Variants in MECOM observed in about 807,000 individuals in gnomAD.
MECOM encodes the protein MDS1 and EVI1 complex locus.
Under a neutral mutation model 116.3 loss-of-function variants are expected in MECOM, and 13 were observed. The ratio of observed to expected loss-of-function variants is 0.11; its 90% CI spans 0.07 to 0.18. The LOEUF (loss-of-function observed/expected upper bound fraction) is 0.18. Ranked by LOEUF, MECOM falls within the 10% of genes least tolerant of loss-of-function variation. MECOM has a pLI of 1.00. For synonymous variants in MECOM, 528 were observed against 535.2 expected (o/e 0.99, Z 0.19); for missense variants, 1,299 against 1,509.0 (o/e 0.86, Z 2.31).
intron 2 of MECOM, among the ~76,000 whole-genome samples, chr3:169,200,238 G>T (rs538161485): frequency 5.9e-5 from 9 of 152,128 alleles, no homozygotes; most frequent in African/African-American, 1.7e-4. Flanking sequence ...AATTGACTAG[G>T]TTCGACTTTA....
At chr3:169,467,839 C>T (rs1748555085) in intron 1 of MECOM, among the ~76,000 whole-genome samples, 2 of 152,130 alleles carry the variant, frequency 1.3e-5, no homozygotes, top group African/African-American at 2.4e-5. Flanking sequence ...CACAATGAAA[C>T]TCAATAGGAA....
intron 2 of MECOM, among the ~76,000 whole-genome samples, chr3:169,241,810 C>A (rs559193717): frequency 3.3e-5 from 5 of 152,132 alleles, no homozygotes; most frequent in African/African-American, 1.2e-4. Flanking sequence ...GCTACTTCAG[C>A]GAATCAAGTC....
Position 169,504,897 on chromosome 3 carries a change from C to T in MECOM, c.38-123373G>A, listed in dbSNP as rs75282811. 7.7e-3 allele frequency among the ~76,000 whole-genome samples: 1,176 copies of T among 152,270 alleles called. 19 individuals are homozygous for T. Among genetic ancestry groups the T allele is most frequent in the African/African-American group, 0.026 (1,084 of 41,532 alleles). On this transcript the variant is annotated intron_variant, in intron 1 of 16. Transcript: ENST00000651503. Reference sequence around the variant, plus strand: ...AGCATATAAATAAAATATATGCTTACGCTTAGCATAGGCATAGCTGGCTGA... The same window carrying T: ...AGCATATAAATAAAATATATGCTTATGCTTAGCATAGGCATAGCTGGCTGA...
chr3:169,232,332 CCACTGTT>C (rs933529662), intron 2 of MECOM, among the ~76,000 whole-genome samples: 5 of 152,144 alleles, frequency 3.3e-5, no homozygotes, highest in African/African-American at 1.2e-4. Context: ...TCCAGCTCCA[CCACTGTT>C]ACCTATTATT....
intron 2 of MECOM, among the ~76,000 whole-genome samples, chr3:169,228,822 T>C (rs186181178): frequency 1.3e-5 from 2 of 152,286 alleles, no homozygotes; most frequent in East Asian, 3.9e-4. Context: ...AAGGATACAA[T>C]AGTCTGCAGT....
chr3:169,181,111 T>C (rs1369318650), intron 2 of MECOM, among the ~76,000 whole-genome samples: 7 of 152,108 alleles, frequency 4.6e-5, no homozygotes, highest in Non-Finnish European at 8.8e-5. Flanking sequence ...TCACACTTTA[T>C]ATTCAAGGGA....
At chr3:169,621,763 GAACAAACA>G (rs555024966) in intron 1 of MECOM, among the ~76,000 whole-genome samples, 248 of 152,056 alleles carry the variant, frequency 1.6e-3, no homozygotes, top group African/African-American at 5.9e-3. Context: ...TCTCAAAAAT[GAACAAACA>G]AACAAACAAA....
At chr3:169,441,728 C>CTTTTT (rs774825326) in intron 1 of MECOM, among the ~76,000 whole-genome samples, 2 of 123,458 alleles carry the variant, frequency 1.6e-5, no homozygotes, top group African/African-American at 2.7e-5. Flanking sequence ...TTCTTCTCTT[C>CTTTTT]TTTTTTTTTT....
At chr3:169,496,705 AC>A (rs1207397606) in intron 1 of MECOM, among the ~76,000 whole-genome samples, 1 of 152,190 alleles carries the variant, frequency 6.6e-6, no homozygotes, top group Non-Finnish European at 1.5e-5. Flanking sequence ...GCATGGTTGG[AC>A]CTAAGCATTT....
chr3:169,590,831 T>C (rs558815595), intron 1 of MECOM, among the ~76,000 whole-genome samples: 38 of 152,352 alleles, frequency 2.5e-4, no homozygotes, highest in African/African-American at 8.4e-4. Flanking sequence ...GTGAAATCAG[T>C]TTTAGCTAAG....
chr3:169,297,817 G>A (rs1715927010), intron 2 of MECOM, among the ~76,000 whole-genome samples: 1 of 152,176 alleles, frequency 6.6e-6, no homozygotes, highest in Admixed American at 6.5e-5. Context: ...TTTCAGGAGA[G>A]TTTCAAGTAA....
intron 1 of MECOM, among the ~76,000 whole-genome samples, chr3:169,529,703 GTT>G (rs771333663): frequency 7.2e-5 from 11 of 152,164 alleles, no homozygotes; most frequent in Non-Finnish European, 1.3e-4. Flanking sequence ...TTGTTCGTTT[GTT>G]TTAGTAACTG....
At chr3:169,419,297 A>G (rs1283517475) in intron 1 of MECOM, among the ~76,000 whole-genome samples, 1 of 152,210 alleles carries the variant, frequency 6.6e-6, no homozygotes, top group East Asian at 1.9e-4. Flanking sequence ...AAGAATCAAT[A>G]TCATAAAAAT....
At position 169,122,676 on chromosome 3, in the gene MECOM, A is replaced by G; in HGVS notation, c.882T>C (p.Asp294=). The G allele has an allele frequency of 2.5e-6, 4 of 1,614,070 alleles. No individual in the cohort carries two copies. Among genetic ancestry groups the G allele is most frequent in the Non-Finnish European group, 3.4e-6 (4 of 1,179,912 alleles). The change falls in exon 6 of 17, where the codon GAT becomes GAC. Residue 294 remains aspartate, a synonymous_variant. Transcript: ENST00000651503. ...SHTEEREYKC[D]QCPKAFNWKS... ...TCCAGTTAAATGCCTTGGGACACTG[A>G]TCACACTTGTATTCCCTCTCTTCAG... is the stretch of plus-strand genomic sequence containing the variant.
rs766060911 is a variant in MECOM at position 169,116,660 on chromosome 3, T to G, written c.1212A>C (p.Gln404His). 6.2e-7 allele frequency: 1 copy of G among 1,614,138 alleles called. No homozygotes were observed. The highest frequency in any genetic ancestry group is 1.7e-5 in the Admixed American group (1 of 60,022). ...HKRMHADCRT[Q>H]IKCKDCGQMF... is the part of the protein sequence containing the mutation. ...TTTGTCCACAGTCTTTGCACTTGAT[T>G]TGGGTTCTGCAATCAGCATGCATGC... is the stretch of plus-strand genomic sequence containing the variant. The change falls in exon 8 of 17, where the codon CAA (glutamine) becomes CAC (histidine). Residue 404 changes from glutamine to histidine, a missense_variant. By Grantham distance (24) the Gln-to-His change is conservative (BLOSUM62 0). Around this residue, in one of 6 missense-constraint regions of MECOM, gnomAD observed 42 missense variants for 103.9 expected, o/e 0.40. Transcript: ENST00000651503.
chr3:169,426,182 A>G (rs1216461684), intron 1 of MECOM, among the ~76,000 whole-genome samples: 1 of 152,206 alleles, frequency 6.6e-6, no homozygotes, highest in African/African-American at 2.4e-5. Context: ...AGTTTGCTCC[A>G]TCCATTGTAA....
intron 2 of MECOM, among the ~76,000 whole-genome samples, chr3:169,171,970 T>TG (rs1323542038): frequency 6.6e-6 from 1 of 152,138 alleles, no homozygotes; most frequent in Non-Finnish European, 1.5e-5. Flanking sequence ...CAACATTCAA[T>TG]GGGTTCTATC....
chr3:169,436,050 T>A (rs1260424392), intron 1 of MECOM, among the ~76,000 whole-genome samples: 1 of 152,188 alleles, frequency 6.6e-6, no homozygotes, highest in Admixed American at 6.5e-5. Flanking sequence ...ATTTCAATTA[T>A]CTTTCACAAT....
chr3:169,158,298 TA>T (rs1452297260), intron 2 of MECOM, among the ~76,000 whole-genome samples: 2 of 152,184 alleles, frequency 1.3e-5, no homozygotes, highest in Non-Finnish European at 2.9e-5. Flanking sequence ...AAAGTCTTCA[TA>T]AAATATATTT....
Sources: allele counts gnomAD v4.1 joint callset (sites outside exome capture counted in the v4.1 genomes callset), GRCh38; gene constraint gnomAD v4.1.1; regional missense constraint gnomAD v4.1.1; transcripts MANE v1.5; gene names NCBI Gene and HGNC (gene_info 2026-07-23, HGNC 2026-07-21).